Variants in AOPEP observed in about 807,000 individuals in gnomAD.
AOPEP encodes the protein aminopeptidase O.
AOPEP carries 77 observed loss-of-function variants against 98.1 expected under a neutral mutation model. The observed-to-expected ratio is 0.78, with a 90% confidence interval of 0.65 to 0.95. The LOEUF (loss-of-function observed/expected upper bound fraction) is 0.95. Ranked by LOEUF, AOPEP falls within the 40% of genes least tolerant of loss-of-function variation. AOPEP has a pLI of 0.00. For synonymous variants in AOPEP, 346 were observed against 365.3 expected (o/e 0.95, Z 0.60); for missense variants, 1,024 against 1,024.7 (o/e 1.00, Z 0.01).
rs947960271 is a variant in AOPEP at position 94,972,832 on chromosome 9, G to A, written c.1916+5031G>A. 2.0e-5 allele frequency among the ~76,000 whole-genome samples: 3 copies of A among 152,004 alleles called. No individual in the cohort carries two copies. The highest frequency in any genetic ancestry group is 7.3e-5 in the African/African-American group (3 of 41,372). On this transcript the variant is annotated intron_variant, in intron 10 of 16. Transcript: ENST00000375315. The surrounding 1 kb of genome is among the most constrained non-coding windows in gnomAD (Gnocchi z 4.2). ...TACGTGTCTGTAGTCTCAGCTACTC[G>A]GGAGGCTGAGGTGGGAGGATGGCTT...
intron 1 of AOPEP, among the ~76,000 whole-genome samples, chr9:94,733,299 C>G (rs1291514711): frequency 6.6e-6 from 1 of 151,912 alleles, no homozygotes; most frequent in African/African-American, 2.4e-5. Context: ...TTAGAGATGA[C>G]ATTTTGCCGT....
intron 13 of AOPEP, chr9:95,018,914 T>G (rs926892538): frequency 1.3e-5 from 2 of 152,222 alleles, no homozygotes; most frequent in Non-Finnish European, 2.9e-5. Flanking sequence ...AAGGCACCTC[T>G]TCACAGAAGG....
intron 14 of AOPEP, among the ~76,000 whole-genome samples, chr9:95,079,366 A>C (rs193188165): frequency 3.3e-5 from 5 of 152,394 alleles, no homozygotes; most frequent in Admixed American, 2.6e-4. Context: ...CTGCAAATAT[A>C]TTACTATAGA....
At chr9:95,006,053 T>G (rs1425495638) in intron 13 of AOPEP, 1 of 472,816 alleles carries the variant, frequency 2.1e-6, no homozygotes. Flanking sequence ...AGAAGTGGAT[T>G]ACTTTTAAAA....
chr9:94,901,850 AG>A (rs1461855319), intron 5 of AOPEP, among the ~76,000 whole-genome samples: 3 of 152,150 alleles, frequency 2.0e-5, no homozygotes, highest in African/African-American at 7.2e-5. Flanking sequence ...CTGAGGATGC[AG>A]TGAGCTGAGA....
intron 5 of AOPEP, among the ~76,000 whole-genome samples, chr9:94,833,268 T>C (rs2041139901): frequency 8.4e-6 from 1 of 118,970 alleles, no homozygotes; most frequent in African/African-American, 3.1e-5. Flanking sequence ...AGATGGAGTT[T>C]TGCTCGTTTT....
chr9:95,106,386 C>G, the AOPEP span, among the ~76,000 whole-genome samples: 1 of 152,140 alleles, frequency 6.6e-6, no homozygotes, highest in Non-Finnish European at 1.5e-5. Flanking sequence ...TATATTATTT[C>G]CAGATATTTT....
chr9:94,870,107 A>G (rs7041582), intron 5 of AOPEP, among the ~76,000 whole-genome samples: 5,144 of 150,100 alleles, frequency 0.034, 233 homozygotes, highest in African/African-American at 0.1. Flanking sequence ...TCCTGCCTCA[A>G]CCTCCCAAGT....
chr9:94,826,779 G>A (rs983471837), intron 5 of AOPEP, among the ~76,000 whole-genome samples: 4 of 152,138 alleles, frequency 2.6e-5, no homozygotes, highest in African/African-American at 9.7e-5. Flanking sequence ...GATGATATTA[G>A]TGGAGGTGGT....
Position 94,914,846 on chromosome 9 carries a change from C to T in AOPEP, c.1365-9140C>T, listed in dbSNP as rs534002984. ...CTACCCAGGCCTACTGAAACAAACT[C>T]TCTTGGGGTGAGGCCCAGAGATCTG... On this transcript the variant is annotated intron_variant, in intron 5 of 16. Coordinates refer to ENST00000375315, the MANE Select transcript of AOPEP (RefSeq NM_001193329.3). Among the ~76,000 whole-genome samples, 125 of 152,314 alleles carry T rather than the reference C, an allele frequency of 8.2e-4. 2 individuals carry two copies. Among genetic ancestry groups the T allele is most frequent in the African/African-American group, 2.9e-3 (122 of 41,558 alleles).
chr9:95,078,080 T>C (rs2134182849), intron 14 of AOPEP, among the ~76,000 whole-genome samples: 1 of 152,204 alleles, frequency 6.6e-6, no homozygotes, highest in East Asian at 1.9e-4. Context: ...CTGGGCTTGG[T>C]CTGTCCTTCC....
In AOPEP at chr9:94,927,735, C is replaced by T. The variant is rs546091217; in HGVS notation, c.1555-690C>T. Among the ~76,000 whole-genome samples, 9 of 152,354 alleles carry T rather than the reference C, an allele frequency of 5.9e-5. No individual in the cohort carries two copies. The South Asian group carries it at 1.9e-3, about 32-fold the overall frequency. On this transcript the variant is annotated intron_variant, in intron 6 of 16. Coordinates refer to ENST00000375315, the MANE Select transcript of AOPEP (RefSeq NM_001193329.3). ...ATGTCCCCATGGCCTAGCAGAGACT[C>T]AGTAAATATCTGTTGAACGAATTAT... is the stretch of plus-strand genomic sequence containing the variant.
chr9:94,807,551 C>A (rs1028383623), intron 5 of AOPEP, among the ~76,000 whole-genome samples: 1 of 152,196 alleles, frequency 6.6e-6, no homozygotes, highest in African/African-American at 2.4e-5. Flanking sequence ...TCAGCACCAC[C>A]TTGCCATTTT....
rs1028059424 is a variant in AOPEP, at chr9:94,930,719, G to A, written c.1661+2188G>A. 8.5e-5 allele frequency among the ~76,000 whole-genome samples: 13 copies of A among 152,102 alleles called. No homozygotes were observed. Among genetic ancestry groups the A allele is most frequent in the African/African-American group, 3.1e-4 (13 of 41,428 alleles). ...AGCTGCCTGGGGGATGAAGAGGGGC[G>A]AAAGAGAGAGAAGTGGGACTACATG... is the stretch of plus-strand genomic sequence containing the variant. On this transcript the variant is annotated intron_variant, in intron 7 of 16. Transcript: ENST00000375315. This position sits in a 1 kb window ranked among gnomAD's most constrained non-coding sequence, Gnocchi z 4.5.
intron 5 of AOPEP, among the ~76,000 whole-genome samples, chr9:94,891,899 C>A (rs781078021): frequency 1.2e-4 from 18 of 152,160 alleles, no homozygotes; most frequent in Non-Finnish European, 2.2e-4. Context: ...GGTGGGTCTG[C>A]TAGCAACAAT....
chr9:95,114,698 C>A, the AOPEP span: 14 of 1,614,132 alleles, frequency 8.7e-6, 1 homozygote, highest in East Asian at 3.1e-4. Flanking sequence ...GAGCCAGTGT[C>A]CCCGAGGGAT....
intron 11 of AOPEP, among the ~76,000 whole-genome samples, chr9:94,983,342 T>C (rs1022411141): frequency 1.4e-4 from 21 of 152,254 alleles, no homozygotes; most frequent in African/African-American, 4.6e-4. Context: ...ACTCCTCCCT[T>C]TCTTTGATTT....
intron 5 of AOPEP, among the ~76,000 whole-genome samples, chr9:94,810,600 CCA>C: frequency 6.6e-6 from 1 of 152,068 alleles, no homozygotes; most frequent in East Asian, 1.9e-4. Context: ...CAGGCGTCAG[CCA>C]CTGCGCCTGG....
chr9:94,855,447 G>T (rs1485607677), intron 5 of AOPEP, among the ~76,000 whole-genome samples: 1 of 152,158 alleles, frequency 6.6e-6, no homozygotes, highest in Non-Finnish European at 1.5e-5. Context: ...CCAGCAGTTT[G>T]GGAGGCTGAG....
Sources: gnomAD v4.1 joint callset for allele counts (sites outside exome capture counted in the v4.1 genomes callset) on GRCh38, gnomAD v4.1.1 for gene constraint, Gnocchi (gnomAD v3.1) non-coding constraint, MANE v1.5 for transcripts, NCBI Gene and HGNC (gene_info 2026-07-23, HGNC 2026-07-21) for gene names.